Variants in ATP8A2 observed in about 807,000 individuals in gnomAD.
The protein encoded by ATP8A2 is phospholipid-transporting ATPase IB.
Under a neutral mutation model 165.6 loss-of-function variants are expected in ATP8A2, and 100 were observed. The ratio of observed to expected loss-of-function variants is 0.60; its 90% CI spans 0.51 to 0.71. The LOEUF (loss-of-function observed/expected upper bound fraction) is 0.71, where lower values mean the gene tolerates loss of function less well. Among genes scored for constraint, ATP8A2 ranks in the 30% least tolerant of loss-of-function variants. The pLI, the probability that ATP8A2 is intolerant of heterozygous loss-of-function variation, is 0.00. For missense variants in ATP8A2, 1,227 were observed against 1,479.5 expected (o/e 0.83, Z 2.80); for synonymous variants, 543 against 548.8 (o/e 0.99, Z 0.15).
intron 1 of ATP8A2, among the ~76,000 whole-genome samples, chr13:25,451,340 G>A (rs890271469): frequency 1.3e-5 from 2 of 152,134 alleles, no homozygotes; most frequent in Non-Finnish European, 2.9e-5. Flanking sequence ...CTTTGGCTCA[G>A]AAATCATTTT....
intron 33 of ATP8A2, among the ~76,000 whole-genome samples, chr13:25,924,640 A>T (rs1052995067): frequency 2.4e-5 from 1 of 41,384 alleles, no homozygotes; most frequent in Middle Eastern, 8.2e-3. Context: ...TCAACATTTG[A>T]TTGGGGGGGA....
chr13:25,860,976 C>A, intron 32 of ATP8A2, 116 bp downstream of exon 32: 1 of 758,692 alleles, frequency 1.3e-6, no homozygotes. Context: ...TTCAGATTTT[C>A]TGTGTAAAAA....
At chr13:25,798,032 T>C (rs1185231461) in intron 27 of ATP8A2, among the ~76,000 whole-genome samples, 1 of 152,208 alleles carries the variant, frequency 6.6e-6, no homozygotes, top group South Asian at 2.1e-4. Context: ...AATCTCTTTT[T>C]GTATTCCATG....
chr13:25,489,792 A>G (rs1185729575), intron 2 of ATP8A2, among the ~76,000 whole-genome samples: 1 of 151,812 alleles, frequency 6.6e-6, no homozygotes, highest in East Asian at 1.9e-4. Flanking sequence ...AAATTGATGT[A>G]TTGTGTAGTG....
chr13:25,536,730 A>G (rs536268358), intron 6 of ATP8A2, among the ~76,000 whole-genome samples: 147 of 152,330 alleles, frequency 9.7e-4, no homozygotes, highest in African/African-American at 3.3e-3. Flanking sequence ...CTTTGCAACT[A>G]TTACTGTACT....
chr13:25,800,828 C>T (rs1469375146), intron 27 of ATP8A2, among the ~76,000 whole-genome samples: 1 of 152,044 alleles, frequency 6.6e-6, no homozygotes, highest in Non-Finnish European at 1.5e-5. Context: ...TAAGGTGTTA[C>T]AGGAGAGATG....
intron 35 of ATP8A2, among the ~76,000 whole-genome samples, chr13:25,975,589 A>T (rs1353342952): frequency 6.6e-6 from 1 of 152,156 alleles, no homozygotes; most frequent in African/African-American, 2.4e-5. Flanking sequence ...CTCGAAAAAA[A>T]AAAAAGAAGT....
intron 33 of ATP8A2, among the ~76,000 whole-genome samples, chr13:25,912,155 GACACACACAC>G (rs3056187): frequency 8.8e-4 from 124 of 141,230 alleles, no homozygotes; most frequent in African/African-American, 2.1e-3. Context: ...GAAAATGTGA[GACACACACAC>G]ACACACACAC....
intron 2 of ATP8A2, among the ~76,000 whole-genome samples, chr13:25,526,136 T>C (rs900273694): frequency 6.6e-5 from 10 of 152,072 alleles, no homozygotes; most frequent in African/African-American, 2.4e-4. Flanking sequence ...TTTGAAGATT[T>C]CTGTTTGTTT....
chr13:25,980,027 T>A (rs1259903710), intron 35 of ATP8A2, among the ~76,000 whole-genome samples: 1 of 152,132 alleles, frequency 6.6e-6, no homozygotes, highest in Non-Finnish European at 1.5e-5. Context: ...GGGAAAACCG[T>A]ATGTATTTTT....
chr13:25,859,786 T>C (rs1039387381), intron 30 of ATP8A2, among the ~76,000 whole-genome samples: 8 of 152,204 alleles, frequency 5.3e-5, no homozygotes, highest in Non-Finnish European at 1.2e-4. Flanking sequence ...TATTGGTCCA[T>C]AATTCCAATT....
intron 24 of ATP8A2, among the ~76,000 whole-genome samples, chr13:25,643,915 C>G (rs1044730590): frequency 6.6e-6 from 1 of 151,614 alleles, no homozygotes; most frequent in Non-Finnish European, 1.5e-5. Context: ...TTATTTGCAT[C>G]TTTTTCCATT....
chr13:25,733,277 A>G lies in ATP8A2; in HGVS notation c.2384+33932A>G, dbSNP rs2043693599. Among the ~76,000 whole-genome samples the G allele has an allele frequency of 2.0e-5, 3 of 152,162 alleles. No homozygotes were observed. In the South Asian group the frequency reaches 6.2e-4, roughly 32 times the overall value. ...GCAAAGAGGGGTATTTCCACCCCTG[A>G]CTGCCCACTGTAAGAATAAGAGACG... On this transcript the variant is annotated intron_variant, in intron 25 of 36. Transcript: ENST00000381655.
At chr13:25,552,659 A>G (rs2038859859) in intron 11 of ATP8A2, among the ~76,000 whole-genome samples, 1 of 152,152 alleles carries the variant, frequency 6.6e-6, no homozygotes, top group Non-Finnish European at 1.5e-5. Context: ...TTTATACCTT[A>G]CAGATATTTG....
At chr13:25,617,625 C>T (rs1335499525) in intron 24 of ATP8A2, among the ~76,000 whole-genome samples, 1 of 152,128 alleles carries the variant, frequency 6.6e-6, no homozygotes. Context: ...TTGGTGTTCC[C>T]TTGACTTTGC....
chr13:25,435,915 G>A (rs1480611733), intron 1 of ATP8A2, among the ~76,000 whole-genome samples: 2 of 27,842 alleles, frequency 7.2e-5, no homozygotes, highest in African/African-American at 1.9e-4. Context: ...AAAGCATCGT[G>A]TGTGTGTGTG....
intron 33 of ATP8A2, among the ~76,000 whole-genome samples, chr13:25,932,153 A>G (rs1954785293): frequency 6.6e-6 from 1 of 152,118 alleles, no homozygotes; most frequent in Non-Finnish European, 1.5e-5. Flanking sequence ...CGTACAGTAG[A>G]AAAAATGTAG....
At chr13:25,538,957 A>G (rs2038375492) in intron 7 of ATP8A2, among the ~76,000 whole-genome samples, 1 of 152,132 alleles carries the variant, frequency 6.6e-6, no homozygotes, top group Non-Finnish European at 1.5e-5. Context: ...ATGTTTGTCC[A>G]TATTGATTGA....
intron 25 of ATP8A2, among the ~76,000 whole-genome samples, chr13:25,744,466 T>C (rs2043985958): frequency 6.6e-6 from 1 of 152,228 alleles, no homozygotes; most frequent in African/African-American, 2.4e-5. Context: ...GTACTTCCCT[T>C]AGTCCTTTCA....
Sources: allele counts gnomAD v4.1 joint callset (sites outside exome capture counted in the v4.1 genomes callset), GRCh38; gene constraint gnomAD v4.1.1; transcripts MANE v1.5; gene names NCBI Gene and HGNC (gene_info 2026-07-23, HGNC 2026-07-21).